ASTN2: variants seen among roughly 807,000 people sequenced by gnomAD.
The protein encoded by ASTN2 is astrotactin-2.
A neutral mutation model predicts 139.8 loss-of-function variants in ASTN2; 54 were observed. That is an observed-to-expected ratio of 0.39 (90% CI 0.31 to 0.48). The LOEUF (loss-of-function observed/expected upper bound fraction) is 0.48. Ranked by LOEUF, ASTN2 falls within the 20% of genes least tolerant of loss-of-function variation. The pLI is 0.95. For synonymous variants in ASTN2, 756 were observed against 719.5 expected (o/e 1.05, Z -0.81); for missense variants, 1,565 against 1,725.1 (o/e 0.91, Z 1.64).
chr9:116,752,625 T>A (rs987059487), intron 13 of ASTN2, among the ~76,000 whole-genome samples: 1 of 152,098 alleles, frequency 6.6e-6, no homozygotes, highest in African/African-American at 2.4e-5. Flanking sequence ...AAAACATACA[T>A]CTGCTAAAGG....
intron 1 of ASTN2, among the ~76,000 whole-genome samples, chr9:117,369,757 T>C (rs1044162995): frequency 7.9e-5 from 12 of 152,106 alleles, no homozygotes; most frequent in African/African-American, 2.7e-4. Context: ...AGTGAAGTCT[T>C]ATAGGTTCTT....
At chr9:117,293,386 C>T (rs1023193543) in intron 1 of ASTN2, among the ~76,000 whole-genome samples, 2 of 152,112 alleles carry the variant, frequency 1.3e-5, no homozygotes, top group African/African-American at 4.8e-5. Flanking sequence ...CCTCCATTTA[C>T]AGTCTTTGCA....
chr9:116,519,461 T>A (rs1467220261), intron 19 of ASTN2, among the ~76,000 whole-genome samples: 6 of 151,934 alleles, frequency 3.9e-5, no homozygotes, highest in African/African-American at 1.4e-4. Context: ...TTGAACTGAA[T>A]GATAATATTG....
chr9:117,294,454 T>A (rs1055299788), intron 1 of ASTN2, among the ~76,000 whole-genome samples: 1 of 152,264 alleles, frequency 6.6e-6, no homozygotes, highest in Admixed American at 6.5e-5. Context: ...AAAAATGCTT[T>A]AGCAGAAGCA....
chr9:117,121,298 G>A lies in ASTN2; in HGVS notation c.1168+20028C>T, dbSNP rs143006469. Among the ~76,000 whole-genome samples, 373 of 152,314 alleles carry A rather than the reference G, an allele frequency of 2.4e-3. 2 individuals carry two copies. Among genetic ancestry groups the A allele is most frequent in the African/African-American group, 8.2e-3 (341 of 41,562 alleles). Reference sequence around the variant, plus strand: ...TATGTTCAAGATTTTGGTAAGATATGTGCTTTAGAAGGTGTGAGATAAATC... The same window carrying A: ...TATGTTCAAGATTTTGGTAAGATATATGCTTTAGAAGGTGTGAGATAAATC... On this transcript the variant is annotated intron_variant, in intron 4 of 22. Transcript: ENST00000313400.
chr9:116,743,285 T>A (rs2132141170), intron 13 of ASTN2, among the ~76,000 whole-genome samples: 1 of 152,286 alleles, frequency 6.6e-6, no homozygotes, highest in South Asian at 2.1e-4. Flanking sequence ...GCATGGTGGC[T>A]TATGCCTGTA....
intron 20 of ASTN2, among the ~76,000 whole-genome samples, chr9:116,456,347 T>C (rs1848332263): frequency 6.6e-6 from 1 of 152,016 alleles, no homozygotes; most frequent in Non-Finnish European, 1.5e-5. Context: ...AGTCAAGAAA[T>C]TGAAGAGGAC....
At chr9:116,841,179 A>T (rs558281499) in intron 11 of ASTN2, among the ~76,000 whole-genome samples, 2 of 152,362 alleles carry the variant, frequency 1.3e-5, no homozygotes, top group African/African-American at 4.8e-5. Flanking sequence ...GCTGGAGACC[A>T]GCCCGGCCAA....
At chr9:116,611,570 A>T (rs1020531411) in intron 19 of ASTN2, 1 of 152,168 alleles carries the variant, frequency 6.6e-6, no homozygotes, top group Non-Finnish European at 1.5e-5. Context: ...GATGAGACTA[A>T]TATCACTATA....
Position 116,712,924 on chromosome 9 carries a change from G to T in ASTN2, c.2806+12847C>A, listed in dbSNP as rs188289750. On this transcript the variant is annotated intron_variant, in intron 16 of 22. Coordinates refer to ENST00000313400, the MANE Select transcript of ASTN2 (RefSeq NM_001365068.1). ...AAATGCCCAGCATACCTCCTGGCAT[G>T]TAATGAATTCTCAGTACATGTCATG... is the stretch of plus-strand genomic sequence containing the variant. Among the ~76,000 whole-genome samples the T allele has an allele frequency of 1.1e-4, 17 of 152,270 alleles. No individual in the cohort carries two copies. In the East Asian group the frequency reaches 3.1e-3, roughly 28 times the overall value.
Position 117,214,614 on chromosome 9 carries a change from G to A in ASTN2, c.759C>T (p.His253=), listed in dbSNP as rs1022720334. The change falls in exon 3 of 23, where the codon CAC becomes CAT. Residue 253 remains histidine, a synonymous_variant. Coordinates refer to ENST00000313400, the MANE Select transcript of ASTN2 (RefSeq NM_001365068.1). ...SASTEATHEI[H]YIPSVLLGPQ... is the part of the protein sequence containing the mutation. Reference sequence around the variant, plus strand: ...GACCCAGCAGCACAGATGGGATGTAGTGGATCTCATGAGTGGCTTCTGTGC... The same window carrying A: ...GACCCAGCAGCACAGATGGGATGTAATGGATCTCATGAGTGGCTTCTGTGC... 2 of 1,594,842 alleles carry A rather than the reference G, an allele frequency of 1.3e-6. No homozygotes were observed. The highest frequency in any genetic ancestry group is 1.7e-6 in the Non-Finnish European group (2 of 1,165,076).
chr9:117,172,271 C>T (rs1462565359), intron 3 of ASTN2, among the ~76,000 whole-genome samples: 1 of 152,052 alleles, frequency 6.6e-6, no homozygotes, highest in African/African-American at 2.4e-5. Context: ...GCATATGCTG[C>T]CACCGGGTCC....
chr9:116,735,474 G>A lies in ASTN2; in HGVS notation c.2397-1951C>T, dbSNP rs1248315508. ...TCCCTGAAAGATGTAGCAGGATGGAGGGGTAGTCCATGCCCTAGTCATTCA... is the reference window on the plus strand; with the variant it reads ...TCCCTGAAAGATGTAGCAGGATGGAAGGGTAGTCCATGCCCTAGTCATTCA... On this transcript the variant is annotated intron_variant, in intron 13 of 22. Coordinates refer to ENST00000313400, the MANE Select transcript of ASTN2 (RefSeq NM_001365068.1). Among the ~76,000 whole-genome samples the A allele has an allele frequency of 2.6e-5, 4 of 152,216 alleles. No individual in the cohort carries two copies. In the East Asian group the frequency reaches 7.7e-4, roughly 29 times the overall value.
Position 117,136,087 on chromosome 9 carries a change from T to TA in ASTN2, c.1168+5238dup, listed in dbSNP as rs146917384. Reference sequence around the variant, plus strand: ...TAAATGTATCTCTGTGAGGTAATAATACCGATAAAAATAAGACTAATAATC... The same window carrying TA: ...TAAATGTATCTCTGTGAGGTAATAATAACCGATAAAAATAAGACTAATAATC... On this transcript the variant is annotated intron_variant, in intron 4 of 22. Coordinates refer to ENST00000313400, the MANE Select transcript of ASTN2 (RefSeq NM_001365068.1). Among the ~76,000 whole-genome samples, 547 of 152,306 alleles carry TA rather than the reference T, an allele frequency of 3.6e-3. 13 individuals are homozygous for TA. The East Asian group carries it at 0.061, about 17-fold the overall frequency.
At chr9:116,514,815 C>T (rs1210326773) in intron 19 of ASTN2, among the ~76,000 whole-genome samples, 2 of 152,224 alleles carry the variant, frequency 1.3e-5, no homozygotes, top group Non-Finnish European at 2.9e-5. Context: ...ATATAAACTC[C>T]TGGTGTGCCG....
intron 4 of ASTN2, among the ~76,000 whole-genome samples, chr9:117,134,523 A>G (rs934992848): frequency 2.0e-5 from 3 of 151,902 alleles, no homozygotes; most frequent in African/African-American, 7.3e-5. Context: ...GTGGCTTCCC[A>G]TCTTCCCACT....
chr9:116,498,425 AAAAC>A (rs1030336547), intron 19 of ASTN2, among the ~76,000 whole-genome samples: 5 of 125,870 alleles, frequency 4.0e-5, no homozygotes, highest in South Asian at 2.5e-4. Flanking sequence ...TCTCTAAAAA[AAAAC>A]AAAAAACAAA....
chr9:117,223,880 T>C (rs932170096), intron 2 of ASTN2, among the ~76,000 whole-genome samples: 6 of 152,218 alleles, frequency 3.9e-5, no homozygotes, highest in Non-Finnish European at 8.8e-5. Flanking sequence ...CATGTTTCTC[T>C]TTAAAATAAA....
rs191315205 is a variant in ASTN2, at chr9:117,360,832, T to A, written c.442+53665A>T. Among the ~76,000 whole-genome samples, 680 of 152,298 alleles carry A rather than the reference T, an allele frequency of 4.5e-3. 4 individuals carry two copies. Among genetic ancestry groups the A allele is most frequent in the Non-Finnish European group, 5.9e-3 (400 of 68,022 alleles). On this transcript the variant is annotated intron_variant, in intron 1 of 22. Transcript: ENST00000313400. ...TATATTAGATAACTGTGCATATACTTTTGTACTCTAAAAATCTGTGCTTTA... is the reference window on the plus strand; with the variant it reads ...TATATTAGATAACTGTGCATATACTATTGTACTCTAAAAATCTGTGCTTTA...
Sources: allele counts gnomAD v4.1 joint callset (sites outside exome capture counted in the v4.1 genomes callset), GRCh38; gene constraint gnomAD v4.1.1; transcripts MANE v1.5; gene names NCBI Gene and HGNC (gene_info 2026-07-23, HGNC 2026-07-21).